Variants in TEX9 observed in about 807,000 individuals in gnomAD.
The protein encoded by TEX9 is testis-expressed protein 9.
A neutral mutation model predicts 59.6 loss-of-function variants in TEX9; 74 were observed. The observed-to-expected ratio is 1.24, with a 90% CI of 1.03 to 1.51. The LOEUF (loss-of-function observed/expected upper bound fraction) is 1.51. TEX9 is among the 40% of genes most tolerant of loss of function. The pLI, the probability that TEX9 is intolerant of heterozygous loss-of-function variation, is 0.00. For synonymous variants in TEX9, 186 were observed against 152.2 expected, an observed-to-expected ratio of 1.22 and a Z score of -1.64; for missense variants, 522 against 447.8, an observed-to-expected ratio of 1.17 and a Z score of -1.49.
intron 12 of TEX9, chr15:56,443,353 G>A: frequency 9.4e-7 from 1 of 1,067,720 alleles, no homozygotes; most frequent in Non-Finnish European, 1.3e-6. Flanking sequence ...GGATTTAAAT[G>A]TACTATCTCT....
At chr15:56,337,609 C>T (rs2046280820) in intron 1 of TEX9, among the ~76,000 whole-genome samples, 1 of 152,210 alleles carries the variant, frequency 6.6e-6, no homozygotes, top group Non-Finnish European at 1.5e-5. Flanking sequence ...TTCCTTCTTA[C>T]TGTTCATCTT....
rs200267558 is a variant in TEX9 at position 56,434,144 on chromosome 15, T to C, written c.*29+5671T>C. On this transcript the variant is annotated intron_variant, in intron 12 of 12. Coordinates refer to ENST00000352903, the Ensembl canonical transcript of TEX9. ...CCCCACAACTTTTTCTTACTTTGTC[T>C]GCAAGGAATTGTTGGCGACGCTCTT... 423 of 1,609,066 alleles carry C rather than the reference T, an allele frequency of 2.6e-4. 4 individuals are homozygous for C. In the East Asian group the frequency reaches 9.3e-3, roughly 35 times the overall value.
chr15:56,426,612 TATATATATATATATACACACACACAAAC>T (rs2050276771), intron 10 of TEX9, among the ~76,000 whole-genome samples: 1 of 40,784 alleles, frequency 2.5e-5, no homozygotes, highest in African/African-American at 9.5e-5. Flanking sequence ...TATATATATA[TATATATATATATATACACACACACAAAC>T]ACACACACAC....
At chr15:56,283,560 A>G (rs564920190) in intron 1 of TEX9, among the ~76,000 whole-genome samples, 32 of 152,252 alleles carry the variant, frequency 2.1e-4, no homozygotes, top group South Asian at 4.1e-4. Flanking sequence ...CAATTTGGGG[A>G]AAAAAATCCT....
At chr15:56,334,066 T>C (rs961585464) in intron 1 of TEX9, among the ~76,000 whole-genome samples, 1 of 152,180 alleles carries the variant, frequency 6.6e-6, no homozygotes, top group Non-Finnish European at 1.5e-5. Context: ...AGAATCAATA[T>C]TGTTAAAATG....
At chr15:56,394,497 A>T in intron 8 of TEX9, 164 bp from the exon 9 acceptor site, 1 of 651,252 alleles carries the variant, frequency 1.5e-6, no homozygotes, top group Non-Finnish European at 2.6e-6. Flanking sequence ...ATTAAATGCA[A>T]ATAAAACATT....
chr15:56,338,099 A>C (rs927226234), intron 1 of TEX9, among the ~76,000 whole-genome samples: 10 of 152,198 alleles, frequency 6.6e-5, no homozygotes, highest in Non-Finnish European at 1.5e-4. Flanking sequence ...TGAAATGACC[A>C]GGTGGCAGCC....
chr15:56,365,938 A>C (rs1317234389), intron 2 of TEX9: 3 of 1,265,602 alleles, frequency 2.4e-6, no homozygotes, highest in Non-Finnish European at 3.0e-6. Flanking sequence ...GTAAACAGCA[A>C]GATACTGTTG....
chr15:56,430,899 G>C (rs1237560262), intron 12 of TEX9, among the ~76,000 whole-genome samples: 1 of 152,196 alleles, frequency 6.6e-6, no homozygotes, highest in Non-Finnish European at 1.5e-5. Context: ...GGCCAGGTGT[G>C]GTGGCCCACC....
chr15:56,302,479 C>A (rs1179639412), intron 1 of TEX9, among the ~76,000 whole-genome samples: 3 of 152,056 alleles, frequency 2.0e-5, no homozygotes, highest in Admixed American at 1.3e-4. Context: ...CATGATTGCA[C>A]CACTGCACTC....
At chr15:56,433,160 A>G (rs1338981766) in intron 12 of TEX9, among the ~76,000 whole-genome samples, 1 of 148,372 alleles carries the variant, frequency 6.7e-6, no homozygotes, top group African/African-American at 2.5e-5. Context: ...CTTTTCCTCT[A>G]TACTCTTTCC....
chr15:56,317,409 T>G (rs2045801800), intron 1 of TEX9, among the ~76,000 whole-genome samples: 2 of 152,336 alleles, frequency 1.3e-5, no homozygotes, highest in East Asian at 3.9e-4. Flanking sequence ...TGTTAGCAAT[T>G]TAAGTTTTCC....
intron 9 of TEX9, chr15:56,410,282 G>C (rs111376691): frequency 2.0e-5 from 3 of 151,792 alleles, no homozygotes; most frequent in Admixed American, 1.3e-4. Flanking sequence ...GTGGTGCTTC[G>C]TGTTATTCCC....
downstream of TEX9, among the ~76,000 whole-genome samples, chr15:56,446,621 A>G (rs1005083149): frequency 6.6e-5 from 10 of 152,058 alleles, no homozygotes; most frequent in Admixed American, 6.6e-5. Context: ...GTTACTGAAT[A>G]TAGCTGGTCA....
At chr15:56,447,618 C>T (rs188163563), downstream of TEX9, 43 of 152,092 alleles carry the variant, frequency 2.8e-4, no homozygotes, top group African/African-American at 1.0e-3. Flanking sequence ...AATTTATACC[C>T]AACAATATCA....
chr15:56,371,068 G>A (rs1365664315), intron 2 of TEX9, among the ~76,000 whole-genome samples: 1 of 152,098 alleles, frequency 6.6e-6, no homozygotes, highest in South Asian at 2.1e-4. Context: ...TGTTGGCCAG[G>A]CTGGTCTCCT....
intron 1 of TEX9, among the ~76,000 whole-genome samples, chr15:56,311,509 T>C (rs1472777987): frequency 8.8e-6 from 1 of 113,642 alleles, no homozygotes; most frequent in Non-Finnish European, 1.8e-5. Flanking sequence ...TTCCATGGTG[T>C]ATATGTGCCA....
chr15:56,371,559 G>A (rs1304214410), intron 2 of TEX9, among the ~76,000 whole-genome samples: 8 of 151,160 alleles, frequency 5.3e-5, no homozygotes, highest in African/African-American at 2.0e-4. Flanking sequence ...CCTCACATCT[G>A]CTGATTCTCT....
chr15:56,328,506 T>A (rs193172269), intron 1 of TEX9, among the ~76,000 whole-genome samples: 2 of 152,150 alleles, frequency 1.3e-5, no homozygotes, highest in East Asian at 3.9e-4. Flanking sequence ...GCCCTGACTC[T>A]TGGATGGCAT....
Sources: gnomAD v4.1 joint callset for allele counts (sites outside exome capture counted in the v4.1 genomes callset) on GRCh38, gnomAD v4.1.1 for gene constraint, MANE v1.5 for transcripts, NCBI Gene and HGNC (gene_info 2026-07-23, HGNC 2026-07-21) for gene names.